HFE: variants seen among roughly 807,000 people sequenced by gnomAD.
HFE encodes hereditary hemochromatosis protein.
A neutral mutation model predicts 40.9 loss-of-function variants in HFE; 36 were observed. That is an observed-to-expected ratio of 0.88 (90% confidence interval 0.67 to 1.16). The LOEUF (loss-of-function observed/expected upper bound fraction) is 1.16. HFE is among the 50% of genes most tolerant of loss of function. HFE has a pLI of 0.00. For missense variants in HFE, 376 were observed against 432.0 expected, an observed-to-expected ratio of 0.87 and a Z score of 1.15; for synonymous variants, 157 against 165.4, an observed-to-expected ratio of 0.95 and a Z score of 0.39.
At chr6:26,094,069 T>G in intron 5 of HFE, 117 bp from the exon 6 acceptor site, 1 of 989,640 alleles carries the variant, frequency 1.0e-6, no homozygotes, top group Non-Finnish European at 1.6e-6. Context: ...GTTCTTGAAA[T>G]CCAATAGTGC....
chr6:26,091,697 C>A, intron 3 of HFE, 108 bp downstream of exon 3: 1 of 1,168,926 alleles, frequency 8.6e-7, no homozygotes, highest in Non-Finnish European at 1.2e-6. Flanking sequence ...GGCTGTGTGC[C>A]TCTCCAAATT....
In HFE at chr6:26,090,940, T is replaced by C. The variant is rs1467801632; in HGVS notation, c.176T>C (p.Val59Ala). 1 of 1,614,188 alleles carries C rather than the reference T, an allele frequency of 6.2e-7. No homozygotes were observed. The highest frequency in any genetic ancestry group is 1.7e-5 in the Admixed American group (1 of 60,030). ...GGCTACGTGGATGACCAGCTGTTCG[T>C]GTTCTATGATCATGAGAGTCGCCGT... is the stretch of plus-strand genomic sequence containing the variant. ...ALGYVDDQLF[V>A]FYDHESRRVE... Residue 59 changes from valine (V) to alanine (A), a missense_variant, in exon 2 of 6, where the codon GTG becomes GCG. Transcript: ENST00000357618.
At position 26,092,703 on chromosome 6, in the gene HFE, T is replaced by G; in HGVS notation, c.635T>G (p.Val212Gly). The G allele has an allele frequency of 6.2e-7, 1 of 1,614,142 alleles. No individual in the cohort carries two copies. The highest frequency in any genetic ancestry group is 8.5e-7 in the Non-Finnish European group (1 of 1,179,974). The change falls in exon 4 of 6, where the codon GTG becomes GGG. Residue 212 changes from valine (V) to glycine (G), a missense_variant. Val to Gly is a moderately radical substitution (Grantham distance 109, BLOSUM62 -3). Transcript: ENST00000357618. ...LDQQVPPLVK[V>G]THHVTSSVTT... The stretch of plus-strand genomic sequence containing the variant: ...TGTCAAGTGCCTCCTTTGGTGAAGG[T>G]GACACATCATGTGACCTCTTCAGTG...
At chr6:26,092,390 T>A (rs1286718243) in intron 3 of HFE, among the ~76,000 whole-genome samples, 1 of 152,086 alleles carries the variant, frequency 6.6e-6, no homozygotes, top group Non-Finnish European at 1.5e-5. Context: ...AAACTGACCA[T>A]CTGTATTCAA....
At chr6:26,088,452 G>C (rs546384419) in intron 1 of HFE, among the ~76,000 whole-genome samples, 179 of 152,274 alleles carry the variant, frequency 1.2e-3, no homozygotes, top group Non-Finnish European at 1.4e-3. Flanking sequence ...TAAATAATCT[G>C]GTTTTCTGAT....
Position 26,087,529 on chromosome 6 carries a change from G to A in HFE, c.76+13G>A, listed in dbSNP as rs950196580. On this transcript the variant is annotated intron_variant, in intron 1 of 5. Transcript: ENST00000357618. Reference sequence around the variant, plus strand: ...GGGCGCTTGCTGCGTGAGTCCGAGGGCTGCGGGCGAACTAGGGGCGCGGCG... The same window carrying A: ...GGGCGCTTGCTGCGTGAGTCCGAGGACTGCGGGCGAACTAGGGGCGCGGCG... 1.9e-6 allele frequency: 3 copies of A among 1,608,974 alleles called. No homozygotes were observed. Among genetic ancestry groups the A allele is most frequent in the Admixed American group, 3.3e-5 (2 of 59,844 alleles).
chr6:26,091,654 G>T, intron 3 of HFE, 65 bp downstream of exon 3: 11 of 1,560,076 alleles, frequency 7.1e-6, no homozygotes, highest in Non-Finnish European at 9.6e-6. Context: ...TGCAGGGCAC[G>T]GAATCCCTGG....
chr6:26,092,024 A>C (rs1205266888), intron 3 of HFE, among the ~76,000 whole-genome samples: 1 of 151,922 alleles, frequency 6.6e-6, no homozygotes, highest in Non-Finnish European at 1.5e-5. Flanking sequence ...AAATACAAAA[A>C]TTAGCTGGTC....
chr6:26,088,084 G>T (rs568342669), intron 1 of HFE, among the ~76,000 whole-genome samples: 1 of 152,246 alleles, frequency 6.6e-6, no homozygotes, highest in Admixed American at 6.5e-5. Flanking sequence ...GAGACCTGGG[G>T]TGGAGGTCTC....
At position 26,092,979 on chromosome 6, in the gene HFE, C is replaced by T; in HGVS notation, c.892+19C>T. The T allele has an allele frequency of 6.2e-7, 1 of 1,613,838 alleles. No individual in the cohort carries two copies. Among genetic ancestry groups the T allele is most frequent in the Non-Finnish European group, 8.5e-7 (1 of 1,180,030 alleles). On this transcript the variant is annotated intron_variant, in intron 4 of 5. Transcript: ENST00000357618. ...ATCTGGGGTATGTGACTGATGAGAGCCAGGAGCTGAGAAAATCTATTGGGG... is the reference window on the plus strand; with the variant it reads ...ATCTGGGGTATGTGACTGATGAGAGTCAGGAGCTGAGAAAATCTATTGGGG...
chr6:26,090,382 G>T (rs905524601), intron 1 of HFE, among the ~76,000 whole-genome samples: 4 of 136,858 alleles, frequency 2.9e-5, no homozygotes, highest in Non-Finnish European at 4.6e-5. Flanking sequence ...GGTGCAGGTT[G>T]CAGTGAGCTG....
At position 26,092,877 on chromosome 6, in the gene HFE, T is replaced by C. The variant is rs1762824487; in HGVS notation, c.809T>C (p.Leu270Ser). 1.9e-6 allele frequency: 3 copies of C among 1,614,230 alleles called. No individual in the cohort carries two copies. The highest frequency in any genetic ancestry group is 2.5e-6 in the Non-Finnish European group (3 of 1,180,032). Reference protein sequence around the residue: ...GDGTYQGWITLAVPPGEEQRY... With the variant: ...GDGTYQGWITSAVPPGEEQRY... ...GGGACCTACCAGGGCTGGATAACCT[T>C]GGCTGTACCCCCTGGGGAAGAGCAG... The change falls in exon 4 of 6, where the codon TTG (leucine) becomes TCG (serine). Residue 270 changes from leucine to serine, a missense_variant. Coordinates refer to ENST00000357618, the MANE Select transcript of HFE (RefSeq NM_000410.4).
rs995312059 is a variant in HFE, at chr6:26,091,571, G to C, written c.598G>C (p.Gly200Arg). The C allele has an allele frequency of 6.2e-7, 1 of 1,613,214 alleles. No homozygotes were observed. Among genetic ancestry groups the C allele is most frequent in the Admixed American group, 1.7e-5 (1 of 60,004 alleles). ...QLQQLLELGR[G>R]VLDQQVPPLV... ...GCAGCAGTTGCTGGAGCTGGGGAGA[G>C]GTGTTTTGGACCAACAAGGTATGGT... Residue 200 changes from glycine to arginine, a missense_variant, in exon 3 of 6, where the codon GGT becomes CGT. By Grantham distance (125) the Gly-to-Arg change is moderately radical. Coordinates refer to ENST00000357618, the MANE Select transcript of HFE (RefSeq NM_000410.4).
chr6:26,098,150 GC>G lies in HFE; in HGVS notation c.*3926del, dbSNP rs1432003734. ...TTTTGTATGACAATTTTATTTGAAA[GC>G]CTAGGATGCGTTGACATCCTGCATG... On this transcript the variant is annotated 3_prime_UTR_variant, in exon 6 of 6. Transcript: ENST00000357618. 3.3e-5 allele frequency: 5 copies of G among 152,250 alleles called. No homozygotes were observed. Among genetic ancestry groups the G allele is most frequent in the African/African-American group, 1.2e-4 (5 of 41,544 alleles). 9.4% of individuals were successfully genotyped at this position (152,250 alleles called of 1,614,324 possible).
In HFE at chr6:26,093,161, G is replaced by A. The variant is rs1762853786; in HGVS notation, c.935G>A (p.Gly312Glu). The change falls in exon 5 of 6, where the codon GGA becomes GAA. Residue 312 changes from glycine to glutamate, a missense_variant. Gly to Glu is a moderately conservative substitution (Grantham distance 98). This residue lies in a region of HFE where 173 missense variants were observed against 186.9 expected (regional missense o/e 0.93). Transcript: ENST00000357618. ...ACCCTAGTCATTGGAGTCATCAGTG[G>A]AATTGCTGTTTTTGTCGTCATCTTG... ...SGTLVIGVIS[G>E]IAVFVVILFI... is the part of the protein sequence containing the mutation. 2 of 1,614,000 alleles carry A rather than the reference G, an allele frequency of 1.2e-6. No individual in the cohort carries two copies. Among genetic ancestry groups the A allele is most frequent in the African/African-American group, 2.7e-5 (2 of 74,888 alleles).
rs910101431 is a variant in HFE at position 26,091,523 on chromosome 6, G to C, written c.550G>C (p.Glu184Gln). The change falls in exon 3 of 6, where the codon GAG becomes CAG. Residue 184 changes from glutamate to glutamine, a missense_variant. Glu to Gln is a conservative substitution (Grantham distance 29). Coordinates refer to ENST00000357618, the MANE Select transcript of HFE (RefSeq NM_000410.4). ...GGCCAGGCAGAACAGGGCCTACCTG[G>C]AGAGGGACTGCCCTGCACAGCTGCA... is the stretch of plus-strand genomic sequence containing the variant. ...IRARQNRAYL[E>Q]RDCPAQLQQL... The C allele has an allele frequency of 6.2e-7, 1 of 1,614,064 alleles. No homozygotes were observed. The highest frequency in any genetic ancestry group is 8.5e-7 in the Non-Finnish European group (1 of 1,179,986).
In HFE at chr6:26,094,298, T is replaced by G; in HGVS notation, c.*72T>G. 1 of 1,371,788 alleles carries G rather than the reference T, an allele frequency of 7.3e-7. No homozygotes were observed. Among genetic ancestry groups the G allele is most frequent in the East Asian group, 2.3e-5 (1 of 43,718 alleles). The allele number at this position is 1,371,788 out of a possible 1,614,324, so 85.0% of individuals were successfully genotyped here. A position where few individuals can be genotyped will look rare whatever the true frequency, so the allele number is the denominator to read the frequency against. The stretch of plus-strand genomic sequence containing the variant: ...TCAAAGAGGGAGTGCATTTATGAGC[T>G]CTTCATGTTTCAGGAGAGAGTTGAA... On this transcript the variant is annotated 3_prime_UTR_variant, in exon 6 of 6. Transcript: ENST00000357618.
intron 1 of HFE, among the ~76,000 whole-genome samples, chr6:26,090,214 A>G (rs1003959802): frequency 1.3e-5 from 2 of 152,010 alleles, no homozygotes; most frequent in African/African-American, 2.4e-5. Context: ...TGGCTGAGGC[A>G]GGTAGATCAT....
At position 26,095,967 on chromosome 6, in the gene HFE, G is replaced by T. The variant is rs556429212; in HGVS notation, c.*1741G>T. 1 of 152,752 alleles carries T rather than the reference G, an allele frequency of 6.5e-6. No individual in the cohort carries two copies. The highest frequency in any genetic ancestry group is 2.1e-4 in the South Asian group (1 of 4,858). The allele number at this position is 152,752 out of a possible 1,614,324, so 9.5% of individuals were successfully genotyped here. A position where few individuals can be genotyped will look rare whatever the true frequency, so the allele number is the denominator to read the frequency against. Reference sequence around the variant, plus strand: ...GAACTCTGGTGGTATTTCCCTCAATGAAGTGGAGTAAGCTCTCTCATTTTG... The same window carrying T: ...GAACTCTGGTGGTATTTCCCTCAATTAAGTGGAGTAAGCTCTCTCATTTTG... On this transcript the variant is annotated 3_prime_UTR_variant, in exon 6 of 6. Transcript: ENST00000357618.
Sources: gnomAD v4.1 joint callset for allele counts (sites outside exome capture counted in the v4.1 genomes callset) on GRCh38, gnomAD v4.1.1 for gene constraint, gnomAD v4.1.1 regional missense constraint, MANE v1.5 for transcripts, NCBI Gene and HGNC (gene_info 2026-07-23, HGNC 2026-07-21) for gene names.